The following NUP153 variants were observed in gnomAD, a reference collection of about 807,000 sequenced individuals.
NUP153 encodes the protein nucleoporin 153.
A neutral mutation model predicts 134.6 loss-of-function variants in NUP153; 27 were observed. The observed-to-expected ratio is 0.20, with a 90% CI of 0.15 to 0.28. The LOEUF is 0.28. NUP153 is among the 10% of genes least tolerant of loss of function. The probability of loss-of-function intolerance (pLI) is 1.00; values close to 1 mark genes in which losing one functional copy is unlikely to be tolerated. For synonymous variants in NUP153, 640 were observed against 623.5 expected (o/e 1.03, Z -0.40); for missense variants, 1,821 against 1,731.3 (o/e 1.05, Z -0.92).
rs778950995 is a variant in NUP153, at chr6:17,616,641, CTGT to C, written c.4226_4228del (p.Asn1409del). The C allele has an allele frequency of 5.6e-6, 9 of 1,613,684 alleles. No homozygotes were observed. Among genetic ancestry groups the C allele is most frequent in the South Asian group, 1.1e-5 (1 of 91,054 alleles). ...ACCAAATGTGAACACTCCTGATGGA[CTGT>C]TGTTTGTGAAGTTGAAATTTGTAGT... On this transcript the variant is annotated inframe_deletion, in exon 21 of 22. Transcript: ENST00000262077.
At chr6:17,618,154 G>A (rs1185483807) in intron 20 of NUP153, among the ~76,000 whole-genome samples, 6 of 152,150 alleles carry the variant, frequency 3.9e-5, no homozygotes, top group African/African-American at 1.4e-4. Context: ...TGAAAAGAAT[G>A]AAGGATACTA....
intron 20 of NUP153, among the ~76,000 whole-genome samples, chr6:17,617,431 C>T (rs1303733612): frequency 7.0e-6 from 1 of 142,722 alleles, no homozygotes; most frequent in Non-Finnish European, 1.5e-5. Context: ...GTTTAGGTTC[C>T]AGATACCTAT....
At chr6:17,633,628 G>A (rs1161324797) in intron 16 of NUP153, among the ~76,000 whole-genome samples, 1 of 152,180 alleles carries the variant, frequency 6.6e-6, no homozygotes, top group East Asian at 1.9e-4. Flanking sequence ...GCAGGAAAAG[G>A]ATACACAGAG....
At chr6:17,622,363 G>C (rs1307098968) in intron 20 of NUP153, among the ~76,000 whole-genome samples, 1 of 152,192 alleles carries the variant, frequency 6.6e-6, no homozygotes, top group East Asian at 1.9e-4. Context: ...TTCTTGGCAG[G>C]CTCAGGCAGG....
intron 1 of NUP153, among the ~76,000 whole-genome samples, chr6:17,693,934 C>G (rs1384391545): frequency 6.6e-6 from 1 of 152,162 alleles, no homozygotes; most frequent in African/African-American, 2.4e-5. Flanking sequence ...TTTGCATGGC[C>G]TCTTTACTTT....
At chr6:17,687,992 G>A (rs1000733923) in intron 2 of NUP153, among the ~76,000 whole-genome samples, 1 of 152,036 alleles carries the variant, frequency 6.6e-6, no homozygotes, top group African/African-American at 2.4e-5. Flanking sequence ...GGTGGCAGGC[G>A]CCTGTAGTCC....
intron 20 of NUP153, among the ~76,000 whole-genome samples, chr6:17,620,979 T>C (rs1764617578): frequency 6.6e-6 from 1 of 152,090 alleles, no homozygotes; most frequent in Non-Finnish European, 1.5e-5. Flanking sequence ...GGGACTAATA[T>C]CCAGAATACA....
chr6:17,681,171 CAA>C (rs1375294399), intron 2 of NUP153, among the ~76,000 whole-genome samples: 4 of 150,254 alleles, frequency 2.7e-5, no homozygotes, highest in Non-Finnish European at 5.9e-5. Flanking sequence ...ACACCAGGCA[CAA>C]AAAGACAACT....
At chr6:17,630,845 C>T (rs1342372936) in intron 17 of NUP153, among the ~76,000 whole-genome samples, 1 of 151,900 alleles carries the variant, frequency 6.6e-6, no homozygotes, top group African/African-American at 2.4e-5. Flanking sequence ...AAGCATTATA[C>T]TGACAAGATC....
rs1433672437 is a variant in NUP153, at chr6:17,616,025, CA to C, written c.*71del. ...GATCTGACTTCAGATAACCCCAGCA[CA>C]AAGTACAATCCAGTATCTGAAAGCA... On this transcript the variant is annotated 3_prime_UTR_variant, in exon 22 of 22. Coordinates refer to ENST00000262077, the MANE Select transcript of NUP153 (RefSeq NM_005124.4). 1 of 1,118,336 alleles carries C rather than the reference CA, an allele frequency of 8.9e-7. No individual in the cohort carries two copies. The highest frequency in any genetic ancestry group is 2.4e-5 in the East Asian group (1 of 42,156). The allele number at this position is 1,118,336 out of a possible 1,614,324, so 69.3% of individuals were successfully genotyped here. A position where few individuals can be genotyped will look rare whatever the true frequency, so the allele number is the denominator to read the frequency against.
intron 8 of NUP153, among the ~76,000 whole-genome samples, chr6:17,665,900 G>A (rs978718558): frequency 4.0e-5 from 6 of 151,616 alleles, no homozygotes. Context: ...TGTTGCTCAG[G>A]CTGGTCTCAA....
At chr6:17,682,656 C>T (rs1768659566) in intron 2 of NUP153, among the ~76,000 whole-genome samples, 1 of 152,082 alleles carries the variant, frequency 6.6e-6, no homozygotes, top group Non-Finnish European at 1.5e-5. Context: ...TGGTGGCTCA[C>T]ACCTGTAAGC....
chr6:17,668,791 C>T (rs1767711336), intron 8 of NUP153, among the ~76,000 whole-genome samples, 184 bp downstream of exon 8: 1 of 151,496 alleles, frequency 6.6e-6, no homozygotes, highest in Non-Finnish European at 1.5e-5. Flanking sequence ...CGCAGTGAGT[C>T]AAGATGGCAC....
chr6:17,671,843 A>G (rs2113830078), intron 5 of NUP153, among the ~76,000 whole-genome samples: 1 of 152,260 alleles, frequency 6.6e-6, no homozygotes, highest in East Asian at 1.9e-4. Context: ...CCCTGTCTCT[A>G]CTAAAAATAC....
rs1470923235 is a variant in NUP153, at chr6:17,669,342, T to TA, written c.970-6dup. On this transcript the variant is annotated splice_polypyrimidine_tract_variant and splice_region_variant and intron_variant, in intron 6 of 21. Coordinates refer to ENST00000262077, the MANE Select transcript of NUP153 (RefSeq NM_005124.4). ...GGATGGAATTCTTTTTGCATCCTGT[T>TA]AAAGTTGAAAAAATAACAAAATTAA... is the stretch of plus-strand genomic sequence containing the variant. 2 of 1,609,248 alleles carry TA rather than the reference T, an allele frequency of 1.2e-6. No individual in the cohort carries two copies.
intron 17 of NUP153, among the ~76,000 whole-genome samples, chr6:17,630,260 T>C (rs1765167718): frequency 6.6e-6 from 1 of 152,146 alleles, no homozygotes; most frequent in Non-Finnish European, 1.5e-5. Context: ...TGTCACAATT[T>C]CTTGATTTTT....
intron 2 of NUP153, 124 bp downstream of exon 2, chr6:17,688,272 A>G: frequency 1.5e-6 from 1 of 667,374 alleles, no homozygotes; most frequent in South Asian, 2.0e-5. Flanking sequence ...TTTGAACCTG[A>G]TTATCATCCT....
Position 17,640,304 on chromosome 6 carries a change from T to C in NUP153, c.1721-240A>G, listed in dbSNP as rs554198405. ...AATAAAAAGGCAAAAAAATATAAAC[T>C]ATAATTATCGTCCAATTAACTGACT... On this transcript the variant is annotated intron_variant, in intron 14 of 21. Transcript: ENST00000262077. Among the ~76,000 whole-genome samples the C allele has an allele frequency of 4.6e-5, 7 of 152,266 alleles. No homozygotes were observed. In the South Asian group the frequency reaches 6.2e-4, roughly 14 times the overall value.
At chr6:17,659,124 G>A (rs1767014671) in intron 11 of NUP153, among the ~76,000 whole-genome samples, 1 of 152,208 alleles carries the variant, frequency 6.6e-6, no homozygotes, top group African/African-American at 2.4e-5. Flanking sequence ...ACAAAGTTTT[G>A]CCTCATCTGC....
Sources: allele counts gnomAD v4.1 joint callset (sites outside exome capture counted in the v4.1 genomes callset), GRCh38; gene constraint gnomAD v4.1.1; transcripts MANE v1.5; gene names NCBI Gene and HGNC (gene_info 2026-07-23, HGNC 2026-07-21).